The following PCDH15 variants were observed in gnomAD, a reference collection of about 807,000 sequenced individuals.
PCDH15 encodes protocadherin-15.
A neutral mutation model predicts 178.5 loss-of-function variants in PCDH15; 129 were observed. The observed-to-expected ratio is 0.72, with a 90% CI of 0.63 to 0.84. The LOEUF (loss-of-function observed/expected upper bound fraction) is 0.84, where lower values mean the gene tolerates loss of function less well. Ranked by LOEUF, PCDH15 falls within the 40% of genes least tolerant of loss-of-function variation. The pLI, the probability that PCDH15 is intolerant of heterozygous loss-of-function variation, is 0.00. For synonymous variants in PCDH15, 800 were observed against 732.0 expected, an observed-to-expected ratio of 1.09 and a Z score of -1.50; for missense variants, 2,230 against 2,099.9, an observed-to-expected ratio of 1.06 and a Z score of -1.21.
At chr10:54,304,225 G>A (rs1006349064) in intron 8 of PCDH15, among the ~76,000 whole-genome samples, 1 of 152,032 alleles carries the variant, frequency 6.6e-6, no homozygotes, top group Non-Finnish European at 1.5e-5. Flanking sequence ...ACTGGCATAA[G>A]CCAGCTGCAA....
intron 2 of PCDH15, among the ~76,000 whole-genome samples, chr10:54,971,106 G>T (rs1190299633): frequency 1.3e-5 from 2 of 152,120 alleles, no homozygotes; most frequent in African/African-American, 2.4e-5. Flanking sequence ...GAGATGGAAT[G>T]ACTGTATTTT....
chr10:54,809,913 A>T (rs1804609315), intron 3 of PCDH15, among the ~76,000 whole-genome samples: 2 of 152,188 alleles, frequency 1.3e-5, no homozygotes, highest in Non-Finnish European at 1.5e-5. Context: ...TGCTATTAGA[A>T]TGTGTTACGC....
chr10:55,204,593 A>T (rs1482760410), intron 1 of PCDH15, among the ~76,000 whole-genome samples: 1 of 152,070 alleles, frequency 6.6e-6, no homozygotes, highest in East Asian at 1.9e-4. Context: ...GGTCTATAAG[A>T]CCCAGTTAAA....
chr10:55,482,612 AT>A (rs951320720), intron 2 of PCDH15, among the ~76,000 whole-genome samples: 18 of 151,636 alleles, frequency 1.2e-4, no homozygotes, highest in Non-Finnish European at 1.6e-4. Context: ...CTGGATTGGA[AT>A]TTTTTTCCTT....
intron 2 of PCDH15, among the ~76,000 whole-genome samples, chr10:55,077,398 T>TTC (rs1841923561): frequency 1.5e-5 from 2 of 137,530 alleles, no homozygotes; most frequent in African/African-American, 5.8e-5. Context: ...TGGTTTTCTC[T>TTC]CTTCCTTCCT....
At chr10:55,583,804 A>G (rs1189721893) in intron 2 of PCDH15, among the ~76,000 whole-genome samples, 2 of 152,198 alleles carry the variant, frequency 1.3e-5, no homozygotes, top group African/African-American at 4.8e-5. Context: ...CACCACTTTT[A>G]TAAAACATAT....
chr10:54,731,564 A>ATATG (rs1491229343), intron 1 of PCDH15, among the ~76,000 whole-genome samples: 5 of 43,348 alleles, frequency 1.2e-4, no homozygotes, highest in South Asian at 8.3e-4. Flanking sequence ...ATATATATAT[A>ATATG]CACACACACA....
chr10:53,987,885 G>T (rs1423779414), intron 21 of PCDH15, among the ~76,000 whole-genome samples: 1 of 151,982 alleles, frequency 6.6e-6, no homozygotes, highest in Non-Finnish European at 1.5e-5. Context: ...AATTTCTCTG[G>T]CTCTTTCCAC....
At chr10:54,398,753 C>A (rs564237687) in intron 3 of PCDH15, among the ~76,000 whole-genome samples, 136 of 151,580 alleles carry the variant, frequency 9.0e-4, no homozygotes, top group Non-Finnish European at 1.4e-3. Flanking sequence ...GAAAAAAAAC[C>A]CCAAATATTC....
chr10:55,513,153 A>G (rs2132154075), intron 2 of PCDH15: 1 of 152,278 alleles, frequency 6.6e-6, no homozygotes, highest in South Asian at 2.1e-4. Context: ...ACTTAAGAGG[A>G]TCCAACAGTC....
At chr10:55,478,308 A>G (rs1004735113) in intron 2 of PCDH15, among the ~76,000 whole-genome samples, 25 of 151,724 alleles carry the variant, frequency 1.6e-4, no homozygotes, top group Admixed American at 5.9e-4. Flanking sequence ...AATGGACTCT[A>G]GACTAAATGG....
intron 3 of PCDH15, among the ~76,000 whole-genome samples, chr10:54,416,073 C>T (rs912227928): frequency 6.6e-6 from 1 of 152,060 alleles, no homozygotes; most frequent in Non-Finnish European, 1.5e-5. Context: ...AGGTGATTCT[C>T]CCACCTCAGC....
At chr10:54,027,359 T>C (rs2093136525) in intron 18 of PCDH15, among the ~76,000 whole-genome samples, 1 of 151,848 alleles carries the variant, frequency 6.6e-6, no homozygotes, top group Non-Finnish European at 1.5e-5. Context: ...AAAATGGCCA[T>C]ACTGCCCAAA....
At chr10:54,862,687 T>A (rs917856633) in intron 3 of PCDH15, among the ~76,000 whole-genome samples, 1 of 152,242 alleles carries the variant, frequency 6.6e-6, no homozygotes, top group African/African-American at 2.4e-5. Flanking sequence ...TAAAAGTAGG[T>A]CATTTAAAAC....
At chr10:54,980,054 G>A (rs191515651) in intron 2 of PCDH15, among the ~76,000 whole-genome samples, 1 of 152,060 alleles carries the variant, frequency 6.6e-6, no homozygotes. Flanking sequence ...GCAATGATTG[G>A]TGGCCATCCA....
At chr10:55,065,514 T>C (rs190726071) in intron 2 of PCDH15, among the ~76,000 whole-genome samples, 1 of 152,038 alleles carries the variant, frequency 6.6e-6, no homozygotes, top group Non-Finnish European at 1.5e-5. Flanking sequence ...AAACACATAC[T>C]GTTGGCTTAA....
chr10:54,138,835 G>C (rs899488063), intron 14 of PCDH15, among the ~76,000 whole-genome samples: 2 of 152,062 alleles, frequency 1.3e-5, no homozygotes, highest in Non-Finnish European at 2.9e-5. Flanking sequence ...ATAATTTTGA[G>C]GTAAAATAGA....
At chr10:54,398,512 G>T (rs1951529188) in intron 3 of PCDH15, among the ~76,000 whole-genome samples, 1 of 152,060 alleles carries the variant, frequency 6.6e-6, no homozygotes, top group South Asian at 2.1e-4. Context: ...AATGAACCAT[G>T]ATAAAATCTA....
At chr10:55,128,625 C>T (rs958465139) in intron 2 of PCDH15, among the ~76,000 whole-genome samples, 3 of 152,036 alleles carry the variant, frequency 2.0e-5, no homozygotes, top group Non-Finnish European at 4.4e-5. Context: ...GAGGGCAAAT[C>T]TCCTGACTGT....
Sources: allele counts gnomAD v4.1 joint callset (sites outside exome capture counted in the v4.1 genomes callset), GRCh38; gene constraint gnomAD v4.1.1; transcripts MANE v1.5; gene names NCBI Gene and HGNC (gene_info 2026-07-23, HGNC 2026-07-21).